The following ASAP2 variants were observed in gnomAD, a reference collection of about 807,000 sequenced individuals.
The protein encoded by ASAP2 is ArfGAP with SH3 domain, ankyrin repeat and PH domain 2.
In ASAP2, 45 loss-of-function variants were observed where a neutral mutation model predicts 131.4. That is an observed-to-expected ratio of 0.34 (90% CI 0.27 to 0.44). The LOEUF (loss-of-function observed/expected upper bound fraction) is 0.44. ASAP2 is among the 20% of genes least tolerant of loss of function. ASAP2 has a pLI of 1.00. For synonymous variants in ASAP2, 510 were observed against 503.0 expected (o/e 1.01, Z -0.19); for missense variants, 1,011 against 1,297.0 (o/e 0.78, Z 3.39).
At chr2:9,251,115 G>A (rs1664673402) in intron 1 of ASAP2, among the ~76,000 whole-genome samples, 1 of 152,234 alleles carries the variant, frequency 6.6e-6, no homozygotes. Context: ...CAGGGAATAA[G>A]TGGACGGGAG....
intron 1 of ASAP2, among the ~76,000 whole-genome samples, chr2:9,250,287 G>A (rs1181503929): frequency 1.3e-5 from 2 of 152,206 alleles, no homozygotes; most frequent in Admixed American, 1.3e-4. Context: ...TAATAATTCA[G>A]CAAATGGTAT....
intron 22 of ASAP2, 48 bp from the exon 23 acceptor site, chr2:9,391,014 A>G: frequency 1.2e-6 from 2 of 1,613,692 alleles, no homozygotes; most frequent in Non-Finnish European, 1.7e-6. Context: ...TCGTGTGTGC[A>G]CGTGTATGTG....
At chr2:9,294,873 G>A (rs746915310) in intron 2 of ASAP2, among the ~76,000 whole-genome samples, 1 of 152,172 alleles carries the variant, frequency 6.6e-6, no homozygotes, top group Non-Finnish European at 1.5e-5. Context: ...AGCAGCGAGC[G>A]AGGGAGTAAG....
At chr2:9,330,315 C>T (rs79285835) in intron 7 of ASAP2, among the ~76,000 whole-genome samples, 2,411 of 152,186 alleles carry the variant, frequency 0.016, 65 homozygotes, top group African/African-American at 0.056. Context: ...ACAAGCCAGC[C>T]GCAGAAAGAC....
At chr2:9,376,034 G>A (rs1572582296) in intron 17 of ASAP2, among the ~76,000 whole-genome samples, 1 of 152,352 alleles carries the variant, frequency 6.6e-6, no homozygotes, top group Non-Finnish European at 1.5e-5. Flanking sequence ...TGCACATTTG[G>A]TCCCCTGGAA....
chr2:9,386,542 C>T (rs957182129), intron 21 of ASAP2, among the ~76,000 whole-genome samples: 1 of 152,208 alleles, frequency 6.6e-6, no homozygotes, highest in Non-Finnish European at 1.5e-5. Context: ...GACTCATCCA[C>T]GCTGCTCACC....
chr2:9,398,055 G>A (rs1676319467), intron 24 of ASAP2, among the ~76,000 whole-genome samples: 1 of 151,698 alleles, frequency 6.6e-6, no homozygotes, highest in African/African-American at 2.4e-5. Context: ...ACTGCGCCCG[G>A]CCTCAAAAGG....
At chr2:9,267,217 G>A (rs4640358) in intron 1 of ASAP2, among the ~76,000 whole-genome samples, 36,884 of 151,924 alleles carry the variant, frequency 0.24, 5,084 homozygotes, top group African/African-American at 0.36. Flanking sequence ...GCATGATGCT[G>A]AGTTTTGGGG....
intron 20 of ASAP2, among the ~76,000 whole-genome samples, chr2:9,385,034 T>C (rs1188882340): frequency 6.6e-6 from 1 of 152,204 alleles, no homozygotes; most frequent in Non-Finnish European, 1.5e-5. Flanking sequence ...ACTAATACAG[T>C]TTACAAAGCC....
In ASAP2 at chr2:9,397,727, G is replaced by GAGATATATATATATAT. The variant is rs897153464; in HGVS notation, c.2685-2295_2685-2294insGATATATATATATATA. Among the ~76,000 whole-genome samples the GAGATATATATATATAT allele has an allele frequency of 2.3e-4, 19 of 83,524 alleles. 2 individuals carry two copies. The highest frequency in any genetic ancestry group is 1.2e-3 in the African/African-American group (16 of 12,988). The allele number at this position is 83,524 out of a possible 152,430, so 54.8% of individuals were successfully genotyped here. On this transcript the variant is annotated intron_variant, in intron 24 of 27. Coordinates refer to ENST00000281419, the MANE Select transcript of ASAP2 (RefSeq NM_003887.3). ...TTGGTTGGGAAAAAAAAATCAAAAGGATATATATATATATATATATATATT... is the reference window on the plus strand; with the variant it reads ...TTGGTTGGGAAAAAAAAATCAAAAGGAGATATATATATATATATATATATATATATATATATATATT...
At chr2:9,304,683 G>A (rs1349301171) in intron 3 of ASAP2, among the ~76,000 whole-genome samples, 1 of 150,258 alleles carries the variant, frequency 6.7e-6, no homozygotes, top group Non-Finnish European at 1.5e-5. Context: ...TTGGTGGAGG[G>A]GGTGTAATAG....
Position 9,374,791 on chromosome 2 carries a change from C to T in ASAP2, c.1593C>T (p.Ile531=), listed in dbSNP as rs528629388. ...AGGACTACATCACAGCCAAGTACAT[C>T]GAGAGGAGATACGCAAGGAAGAAGC... is the stretch of plus-strand genomic sequence containing the variant. ...ARKDYITAKY[I]ERRYARKKHA... is the part of the protein sequence containing the mutation. Residue 531 remains isoleucine (I), a synonymous_variant, in exon 17 of 28, where the codon ATC becomes ATT. Transcript: ENST00000281419. 60 of 1,611,188 alleles carry T rather than the reference C, an allele frequency of 3.7e-5. No homozygotes were observed. The highest frequency in any genetic ancestry group is 1.7e-4 in the Middle Eastern group (1 of 6,036).
At chr2:9,238,640 CT>C (rs1663724290) in intron 1 of ASAP2, among the ~76,000 whole-genome samples, 1 of 152,156 alleles carries the variant, frequency 6.6e-6, no homozygotes, top group Admixed American at 6.5e-5. Context: ...AGGCAACAGC[CT>C]GTGAGTTCAG....
chr2:9,279,765 C>T (rs1272651058), intron 2 of ASAP2, among the ~76,000 whole-genome samples: 1 of 148,856 alleles, frequency 6.7e-6, no homozygotes, highest in African/African-American at 2.5e-5. Context: ...GTGCCCTTTC[C>T]GTTTCTCTTT....
At chr2:9,276,253 G>T (rs181394184) in intron 1 of ASAP2, among the ~76,000 whole-genome samples, 4 of 152,316 alleles carry the variant, frequency 2.6e-5, no homozygotes, top group Admixed American at 2.6e-4. Flanking sequence ...CCACCCTATC[G>T]TGGAGGTGGC....
intron 1 of ASAP2, among the ~76,000 whole-genome samples, chr2:9,216,282 ATTTTTTTTT>A (rs113751391): frequency 8.9e-5 from 11 of 123,722 alleles, no homozygotes; most frequent in Admixed American, 5.1e-4. Flanking sequence ...GTCAGTTCAT[ATTTTTTTTT>A]TTTTTTTTTT....
At chr2:9,270,918 G>A (rs568348229) in intron 1 of ASAP2, among the ~76,000 whole-genome samples, 17 of 146,588 alleles carry the variant, frequency 1.2e-4, no homozygotes, top group South Asian at 6.6e-4. Context: ...TCAGCCTCCC[G>A]AGTAGCTGGG....
chr2:9,318,407 G>T (rs1415921225), intron 3 of ASAP2, 117 bp from the exon 4 acceptor site: 2 of 733,434 alleles, frequency 2.7e-6, no homozygotes, highest in African/African-American at 1.7e-5. Flanking sequence ...ACATGCACCG[G>T]CCAGGTTTTA....
intron 2 of ASAP2, among the ~76,000 whole-genome samples, chr2:9,286,445 A>AT (rs199918521): frequency 0.012 from 1,193 of 98,606 alleles, 3 homozygotes; most frequent in African/African-American, 0.017. Context: ...AGGAAAAAAA[A>AT]AAATATATAT....
Sources: gnomAD v4.1 joint callset for allele counts (sites outside exome capture counted in the v4.1 genomes callset) on GRCh38, gnomAD v4.1.1 for gene constraint, MANE v1.5 for transcripts, NCBI Gene and HGNC (gene_info 2026-07-23, HGNC 2026-07-21) for gene names.